DSCAML1: variants seen among roughly 807,000 people sequenced by gnomAD.
DSCAML1 encodes the protein DS cell adhesion molecule like 1, also known as cell adhesion molecule DSCAML1.
A neutral mutation model predicts 200.5 loss-of-function variants in DSCAML1; 38 were observed. The observed-to-expected ratio is 0.19, with a 90% CI of 0.15 to 0.25. The LOEUF is 0.25. Among genes scored for constraint, DSCAML1 ranks in the 10% least tolerant of loss-of-function variants. The pLI, the probability that DSCAML1 is intolerant of heterozygous loss-of-function variation, is 1.00. For synonymous variants in DSCAML1, 1,215 were observed against 1,165.0 expected (o/e 1.04, Z -0.87); for missense variants, 2,223 against 2,858.8 (o/e 0.78, Z 5.07).
At chr11:117,575,432 G>C (rs1165962308) in intron 3 of DSCAML1, among the ~76,000 whole-genome samples, 1 of 152,202 alleles carries the variant, frequency 6.6e-6, no homozygotes, top group African/African-American at 2.4e-5. Flanking sequence ...ATGCATATTA[G>C]GATCACTTTT....
Position 117,485,370 on chromosome 11 carries a change from G to A in DSCAML1, c.2360-3208C>T, listed in dbSNP as rs115244886. On this transcript the variant is annotated intron_variant, in intron 11 of 32. Transcript: ENST00000651296. ...ACAGGGTCCCTTCACCCTTCCACCA[G>A]CTTAGGATGGCAATGAGCATCACAC... Among the ~76,000 whole-genome samples the A allele has an allele frequency of 6.4e-3, 981 of 152,276 alleles. 11 individuals are homozygous for A. Among genetic ancestry groups the A allele is most frequent in the African/African-American group, 0.023 (946 of 41,544 alleles).
In DSCAML1 at chr11:117,532,386, G is replaced by A. The variant is rs376645246; in HGVS notation, c.648C>T (p.Leu216=). The A allele has an allele frequency of 1.1e-5, 17 of 1,613,724 alleles. No individual in the cohort carries two copies. The highest frequency in any genetic ancestry group is 1.3e-5 in the Non-Finnish European group (15 of 1,179,798). Residue 216 remains leucine, a synonymous_variant, in exon 4 of 33, where the codon CTC becomes CTT. Transcript: ENST00000651296. ...GETRQSNGAR[L]SVTDPAESIP... ...GGCCCTCTCCCCTACCTGTCACAGAGAGGCGTGCCCCATTGCTCTGCCGGG... is the reference window on the plus strand; with the variant it reads ...GGCCCTCTCCCCTACCTGTCACAGAAAGGCGTGCCCCATTGCTCTGCCGGG...
chr11:117,532,263 C>G (rs1344807899), intron 4 of DSCAML1, 113 bp downstream of exon 4: 28 of 1,027,156 alleles, frequency 2.7e-5, no homozygotes, highest in Non-Finnish European at 3.9e-5. Flanking sequence ...TCTCTGATTT[C>G]CCTGAGTACA....
At chr11:117,608,455 A>G (rs187132818) in intron 3 of DSCAML1, among the ~76,000 whole-genome samples, 277 of 149,920 alleles carry the variant, frequency 1.8e-3, no homozygotes, top group African/African-American at 6.5e-3. Context: ...TTATATGTGT[A>G]TATATAAACA....
At chr11:117,593,940 C>T (rs1397085078) in intron 3 of DSCAML1, among the ~76,000 whole-genome samples, 1 of 152,060 alleles carries the variant, frequency 6.6e-6, no homozygotes, top group Non-Finnish European at 1.5e-5. Context: ...GTCTCGATCT[C>T]CTGACCTCGT....
chr11:117,431,661 G>A lies in DSCAML1; in HGVS notation c.5247C>T (p.Thr1749=). ...GTGTGGAGGCCTGGCACTTGGTCAG[G>A]GTCCACTGGCTTGAGTACCGGTTCC... ...STRNRYSSQW[T]LTKCQASTPA... Residue 1749 remains threonine, a synonymous_variant, in exon 31 of 33, where the codon ACC becomes ACT. Coordinates refer to ENST00000651296, the MANE Select transcript of DSCAML1 (RefSeq NM_020693.4). 2 of 1,612,834 alleles carry A rather than the reference G, an allele frequency of 1.2e-6. No individual in the cohort carries two copies. The highest frequency in any genetic ancestry group is 1.7e-6 in the Non-Finnish European group (2 of 1,179,154).
chr11:117,733,379 G>T lies in DSCAML1; in HGVS notation c.511+43412C>A, dbSNP rs186793696. ...GCAGAGTGGGGCTCAGTGAGTGGGG[G>T]TGAATGATGTGCCTCTATCTGCATG... On this transcript the variant is annotated intron_variant, in intron 3 of 32. Transcript: ENST00000651296. Among the ~76,000 whole-genome samples, 27 of 152,330 alleles carry T rather than the reference G, an allele frequency of 1.8e-4. No individual in the cohort carries two copies. The East Asian group carries it at 4.6e-3, about 26-fold the overall frequency.
In DSCAML1 at chr11:117,780,201, GAAAGAA is replaced by G. The variant is rs1487858693; in HGVS notation, c.364+286_364+291del. On this transcript the variant is annotated intron_variant, in intron 2 of 32. Transcript: ENST00000651296. This position sits in a 1 kb window ranked among gnomAD's most constrained non-coding sequence, Gnocchi z 4.8. ...AAAGAAAAAAAGAAAGAAAGAAAGA[GAAAGAA>G]AGAGAGAGAGAGAAAGAAAGAAAGG... Among the ~76,000 whole-genome samples, 34 of 44,408 alleles carry G rather than the reference GAAAGAA, an allele frequency of 7.7e-4. 2 individuals carry two copies. The highest frequency in any genetic ancestry group is 2.1e-3 in the African/African-American group (31 of 15,050). The allele number at this position is 44,408 out of a possible 152,430, so 29.1% of individuals were successfully genotyped here.
intron 3 of DSCAML1, among the ~76,000 whole-genome samples, chr11:117,775,568 G>A (rs980299290): frequency 2.0e-5 from 3 of 152,056 alleles, no homozygotes; most frequent in Admixed American, 2.0e-4. Context: ...GAAGGAAAAA[G>A]TACTGAGTGT....
intron 3 of DSCAML1, among the ~76,000 whole-genome samples, chr11:117,711,651 A>G (rs2053851492): frequency 6.6e-6 from 1 of 152,182 alleles, no homozygotes; most frequent in Non-Finnish European, 1.5e-5. Flanking sequence ...AATATCTGCA[A>G]TTCCAGGCTC....
chr11:117,500,229 C>T (rs761913503), intron 11 of DSCAML1, among the ~76,000 whole-genome samples: 1 of 152,186 alleles, frequency 6.6e-6, no homozygotes, highest in Non-Finnish European at 1.5e-5. Context: ...GCTTCTTCAC[C>T]CCCAGAGTTA....
At chr11:117,553,005 G>A (rs774596541) in intron 3 of DSCAML1, among the ~76,000 whole-genome samples, 1 of 152,174 alleles carries the variant, frequency 6.6e-6, no homozygotes, top group African/African-American at 2.4e-5. Context: ...TCTTACAAAT[G>A]TTTTTGGGTT....
intron 21 of DSCAML1, among the ~76,000 whole-genome samples, chr11:117,442,473 GTGTT>G (rs767403688): frequency 2.8e-4 from 43 of 151,978 alleles, no homozygotes; most frequent in Non-Finnish European, 4.0e-4. Flanking sequence ...GCATATGCAT[GTGTT>G]TGTGCGTGTG....
In DSCAML1 at chr11:117,469,131, G is replaced by C. The variant is rs1300114696; in HGVS notation, c.3024+779C>G. Among the ~76,000 whole-genome samples, 2 of 152,174 alleles carry C rather than the reference G, an allele frequency of 1.3e-5. No homozygotes were observed. Among genetic ancestry groups the C allele is most frequent in the Admixed American group, 1.3e-4 (2 of 15,284 alleles). The stretch of plus-strand genomic sequence containing the variant: ...TGCTAGCCAGGCCACCTCACATCTT[G>C]TCTCCATGGCCTCCTCTGGTGGAAG... On this transcript the variant is annotated intron_variant, in intron 16 of 32. Transcript: ENST00000651296. The surrounding 1 kb of genome is among the most constrained non-coding windows in gnomAD (Gnocchi z 4.1).
chr11:117,444,016 A>T lies in DSCAML1; in HGVS notation c.3732T>A (p.Ser1244Arg), dbSNP rs1234087239. 4.3e-6 allele frequency: 7 copies of T among 1,613,006 alleles called. No homozygotes were observed. The highest frequency in any genetic ancestry group is 1.3e-5 in the African/African-American group (1 of 74,784). ...GQPAPSEYET[S>R]PEQLFYRIAH... is the part of the protein sequence containing the mutation. ...CGATCCGGTAGAAGAGCTGCTCTGG[A>T]CTCGTCTCGTACTCGCTGGGAGCCT... Residue 1244 changes from serine to arginine, a missense_variant, in exon 21 of 33, where the codon AGT (serine) becomes AGA (arginine). Coordinates refer to ENST00000651296, the MANE Select transcript of DSCAML1 (RefSeq NM_020693.4).
intron 3 of DSCAML1, among the ~76,000 whole-genome samples, chr11:117,759,122 C>T (rs546375512): frequency 6.6e-6 from 1 of 152,332 alleles, no homozygotes; most frequent in Non-Finnish European, 1.5e-5. Context: ...CTCCCTCACC[C>T]TGTAGCAGGA....
intron 3 of DSCAML1, among the ~76,000 whole-genome samples, chr11:117,609,251 C>T (rs1317435043): frequency 6.7e-6 from 1 of 149,856 alleles, no homozygotes; most frequent in South Asian, 2.1e-4. Context: ...TAGCAGCCTG[C>T]TTTAATTTGC....
intron 32 of DSCAML1, 87 bp from the exon 33 acceptor site, chr11:117,428,890 A>C: frequency 1.5e-6 from 2 of 1,322,002 alleles, no homozygotes; most frequent in Non-Finnish European, 1.0e-6. Flanking sequence ...CCCTGCCCCC[A>C]GTCTTCTCTC....
intron 3 of DSCAML1, among the ~76,000 whole-genome samples, chr11:117,652,418 C>A (rs546096365): frequency 6.6e-6 from 1 of 152,226 alleles, no homozygotes; most frequent in African/African-American, 2.4e-5. Flanking sequence ...TGTCCCACCA[C>A]GCCATGCCCT....
Sources: gnomAD v4.1 joint callset for allele counts (sites outside exome capture counted in the v4.1 genomes callset) on GRCh38, gnomAD v4.1.1 for gene constraint, Gnocchi (gnomAD v3.1) non-coding constraint, MANE v1.5 for transcripts, NCBI Gene and HGNC (gene_info 2026-07-23, HGNC 2026-07-21) for gene names.